NEGR1: variants seen among roughly 807,000 people sequenced by gnomAD.
NEGR1 encodes neuronal growth regulator 1.
A neutral mutation model predicts 40.9 loss-of-function variants in NEGR1; 10 were observed. The observed-to-expected ratio is 0.24, with a 90% CI of 0.15 to 0.42. The LOEUF is 0.42. Among genes scored for constraint, NEGR1 ranks in the 10% least tolerant of loss-of-function variants. The probability of loss-of-function intolerance (pLI) is 1.00; values close to 1 mark genes in which losing one functional copy is unlikely to be tolerated. For synonymous variants in NEGR1, 185 were observed against 166.8 expected, an observed-to-expected ratio of 1.11 and a Z score of -0.84; for missense variants, 352 against 438.9, an observed-to-expected ratio of 0.80 and a Z score of 1.77.
At chr1:71,630,984 A>G (rs1008825855) in intron 4 of NEGR1, among the ~76,000 whole-genome samples, 2 of 151,938 alleles carry the variant, frequency 1.3e-5, no homozygotes, top group Non-Finnish European at 2.9e-5. Flanking sequence ...ACAGTAAATT[A>G]TTATAACTAG....
At chr1:71,765,035 A>G (rs185538434) in intron 3 of NEGR1, among the ~76,000 whole-genome samples, 15 of 152,202 alleles carry the variant, frequency 9.9e-5, no homozygotes, top group Admixed American at 6.5e-4. Context: ...CACCAAAAAA[A>G]GGGCATGGTC....
At chr1:72,168,910 AAAAC>A (rs746384367) in intron 1 of NEGR1, among the ~76,000 whole-genome samples, 12 of 152,074 alleles carry the variant, frequency 7.9e-5, no homozygotes, top group Non-Finnish European at 1.6e-4. Flanking sequence ...CAAAAGAGAG[AAAAC>A]AAACAAACAA....
intron 3 of NEGR1, among the ~76,000 whole-genome samples, chr1:71,704,965 A>C (rs1465570586): frequency 2.0e-5 from 3 of 152,074 alleles, no homozygotes; most frequent in African/African-American, 4.8e-5. Flanking sequence ...TTACCAAAAA[A>C]AAAATTAAAC....
chr1:71,541,957 C>G (rs1481506667), intron 6 of NEGR1, among the ~76,000 whole-genome samples: 1 of 151,742 alleles, frequency 6.6e-6, no homozygotes, highest in Non-Finnish European at 1.5e-5. Context: ...ATTCCATTTT[C>G]CTGACACTAT....
At chr1:71,582,849 G>C (rs926094678) in intron 6 of NEGR1, among the ~76,000 whole-genome samples, 6 of 152,200 alleles carry the variant, frequency 3.9e-5, no homozygotes, top group Non-Finnish European at 5.9e-5. Flanking sequence ...ATTGCAGGCA[G>C]AATCAATGCA....
chr1:71,608,862 A>C (rs1650152299), intron 5 of NEGR1, among the ~76,000 whole-genome samples: 1 of 152,196 alleles, frequency 6.6e-6, no homozygotes, highest in Admixed American at 6.5e-5. Flanking sequence ...CTTCCAAATA[A>C]GATTGTACAT....
intron 5 of NEGR1, among the ~76,000 whole-genome samples, chr1:71,603,317 C>A (rs894354059): frequency 1.1e-4 from 17 of 152,236 alleles, no homozygotes; most frequent in African/African-American, 4.1e-4. Flanking sequence ...GTAAGAACCA[C>A]CTTGTGAATG....
intron 6 of NEGR1, among the ~76,000 whole-genome samples, chr1:71,566,626 T>A (rs1648626581): frequency 6.6e-6 from 1 of 152,138 alleles, no homozygotes; most frequent in Non-Finnish European, 1.5e-5. Context: ...AGCAAAATTT[T>A]CCTGTAAAGG....
chr1:72,019,352 T>C (rs1222038414), intron 1 of NEGR1, among the ~76,000 whole-genome samples: 3 of 152,196 alleles, frequency 2.0e-5, no homozygotes, highest in African/African-American at 4.8e-5. Context: ...ACTGCACAAT[T>C]ATAAAATGCT....
chr1:71,513,250 G>A (rs1647089833), intron 6 of NEGR1, among the ~76,000 whole-genome samples: 1 of 152,042 alleles, frequency 6.6e-6, no homozygotes, highest in Admixed American at 6.5e-5. Flanking sequence ...TTTTCTACCT[G>A]TTTTCTGTTT....
chr1:71,809,477 G>T (rs1173679577), intron 2 of NEGR1, among the ~76,000 whole-genome samples: 1 of 152,042 alleles, frequency 6.6e-6, no homozygotes, highest in Non-Finnish European at 1.5e-5. Context: ...CTTTGTATTA[G>T]GTATTGGGGT....
chr1:71,882,538 T>C (rs1223302037), intron 2 of NEGR1, among the ~76,000 whole-genome samples: 1 of 152,094 alleles, frequency 6.6e-6, no homozygotes, highest in Non-Finnish European at 1.5e-5. Context: ...GAACACTGAA[T>C]CTTTCATGGC....
chr1:71,604,225 G>A (rs1451930652), intron 5 of NEGR1, among the ~76,000 whole-genome samples: 1 of 152,086 alleles, frequency 6.6e-6, no homozygotes, highest in Non-Finnish European at 1.5e-5. Flanking sequence ...TTGACTCTAT[G>A]TAAGTGAACG....
intron 1 of NEGR1, among the ~76,000 whole-genome samples, chr1:72,145,232 T>C (rs531966780): frequency 6.6e-6 from 1 of 152,148 alleles, no homozygotes; most frequent in African/African-American, 2.4e-5. Flanking sequence ...ATTATCTGAA[T>C]AGTAAGTAGA....
At chr1:71,702,533 T>C (rs1570233209) in intron 3 of NEGR1, among the ~76,000 whole-genome samples, 2 of 152,008 alleles carry the variant, frequency 1.3e-5, no homozygotes, top group African/African-American at 4.8e-5. Context: ...GGATTATAAA[T>C]TGAGGAATTA....
At chr1:71,642,579 A>G (rs925436432) in intron 4 of NEGR1, among the ~76,000 whole-genome samples, 1 of 151,912 alleles carries the variant, frequency 6.6e-6, no homozygotes, top group Admixed American at 6.6e-5. Flanking sequence ...AAGGAACCCA[A>G]CTTAAGACAG....
chr1:71,934,351 G>A (rs1291737952), intron 2 of NEGR1, among the ~76,000 whole-genome samples: 1 of 152,036 alleles, frequency 6.6e-6, no homozygotes, highest in Non-Finnish European at 1.5e-5. Flanking sequence ...TGATGATTCT[G>A]TTTGTATCTG....
At chr1:71,965,389 C>T (rs1195252269) in intron 1 of NEGR1, among the ~76,000 whole-genome samples, 1 of 152,150 alleles carries the variant, frequency 6.6e-6, no homozygotes, top group African/African-American at 2.4e-5. Flanking sequence ...ATAAACACTA[C>T]ACTATGCTTA....
chr1:71,999,662 TATATATATATATATATAC>T (rs1313198431), intron 1 of NEGR1, among the ~76,000 whole-genome samples: 1,344 of 46,460 alleles, frequency 0.029, 126 homozygotes, highest in East Asian at 0.15. Flanking sequence ...TATATATATA[TATATATATATATATATAC>T]ATACATATTT....
Sources: allele counts gnomAD v4.1 joint callset (sites outside exome capture counted in the v4.1 genomes callset), GRCh38; gene constraint gnomAD v4.1.1; transcripts MANE v1.5; gene names NCBI Gene and HGNC (gene_info 2026-07-23, HGNC 2026-07-21).